The following CDH5 variants were observed in gnomAD, a reference collection of about 807,000 sequenced individuals.
CDH5 encodes the protein cadherin 5.
In CDH5, 28 loss-of-function variants were observed where a neutral mutation model predicts 62.0. That is an observed-to-expected ratio of 0.45 (90% CI 0.33 to 0.62). The LOEUF is 0.62. CDH5 is among the 20% of genes least tolerant of loss of function. The pLI is 0.02. For synonymous variants in CDH5, 464 were observed against 445.8 expected, an observed-to-expected ratio of 1.04 and a Z score of -0.52; for missense variants, 940 against 1,065.1, an observed-to-expected ratio of 0.88 and a Z score of 1.63.
chr16:66,394,601 C>A (rs1007334911), intron 7 of CDH5, among the ~76,000 whole-genome samples: 36 of 150,546 alleles, frequency 2.4e-4, no homozygotes, highest in African/African-American at 8.6e-4. Context: ...TGAGGTGCAT[C>A]CATTTTTATT....
In CDH5 at chr16:66,386,795, C is replaced by A. The variant is rs1358196107; in HGVS notation, c.211-14C>A. On this transcript the variant is annotated splice_polypyrimidine_tract_variant and intron_variant, in intron 2 of 11. Coordinates refer to ENST00000341529, the MANE Select transcript of CDH5 (RefSeq NM_001795.5). ...GCCGCCCATTCCCAGCTCACGTCAC[C>A]TCTTCTTTTCTAGATCAAGTCAAGC... The A allele has an allele frequency of 6.3e-7, 1 of 1,587,342 alleles. No individual in the cohort carries two copies. The highest frequency in any genetic ancestry group is 1.3e-5 in the African/African-American group (1 of 74,466).
In CDH5 at chr16:66,398,056, T is replaced by C; in HGVS notation, c.1435T>C (p.Phe479Leu). ...VLDENDNAPE[F>L]AKPYQPKVCE... ...GGATGAGAATGACAATGCCCCGGAG[T>C]TTGCCAAGCCCTACCAGCCCAAAGT... is the stretch of plus-strand genomic sequence containing the variant. Residue 479 changes from phenylalanine to leucine, a missense_variant, in exon 9 of 12, where the codon TTT becomes CTT. Phe to Leu is a conservative substitution (Grantham distance 22). Transcript: ENST00000341529. 2 of 1,614,040 alleles carry C rather than the reference T, an allele frequency of 1.2e-6. No individual in the cohort carries two copies. The highest frequency in any genetic ancestry group is 1.7e-6 in the Non-Finnish European group (2 of 1,180,020).
chr16:66,389,445 T>G lies in CDH5; in HGVS notation c.704T>G (p.Leu235Arg). The change falls in exon 5 of 12, where the codon CTC becomes CGC. Residue 235 changes from leucine (L) to arginine (R), a missense_variant. By Grantham distance (102) the Leu-to-Arg change is moderately radical (BLOSUM62 -2). Coordinates refer to ENST00000341529, the MANE Select transcript of CDH5 (RefSeq NM_001795.5). ...IVVEARDAQG[L>R]RGDSGTATVL... is the part of the protein sequence containing the mutation. ...GTGGAAGCGCGAGATGCCCAGGGCC[T>G]CCGGGGGGACTCGGGCACGGCCACC... 3.7e-6 allele frequency: 6 copies of G among 1,613,216 alleles called. No homozygotes were observed. The highest frequency in any genetic ancestry group is 1.1e-5 in the South Asian group (1 of 90,958).
intron 11 of CDH5, among the ~76,000 whole-genome samples, chr16:66,401,773 C>T (rs932010717): frequency 2.6e-5 from 4 of 152,144 alleles, no homozygotes; most frequent in African/African-American, 4.8e-5. Flanking sequence ...ATCATCCCAC[C>T]GGGGGAGCAC....
chr16:66,373,502 G>A (rs906145210), intron 1 of CDH5, among the ~76,000 whole-genome samples: 71 of 149,170 alleles, frequency 4.8e-4, no homozygotes, highest in African/African-American at 1.7e-3. Context: ...TGCAACCCCC[G>A]CCTCCCAGGT....
At chr16:66,385,946 C>A (rs969801858) in intron 2 of CDH5, among the ~76,000 whole-genome samples, 1 of 152,220 alleles carries the variant, frequency 6.6e-6, no homozygotes, top group Non-Finnish European at 1.5e-5. Context: ...CTGGCTAGGA[C>A]CCCATCTTTG....
chr16:66,401,700 C>T (rs1294556461), intron 11 of CDH5, among the ~76,000 whole-genome samples: 2 of 152,174 alleles, frequency 1.3e-5, no homozygotes, highest in Non-Finnish European at 2.9e-5. Context: ...ATGTTCCCAT[C>T]GTGAGGAACT....
intron 8 of CDH5, among the ~76,000 whole-genome samples, chr16:66,396,641 G>A (rs757254001): frequency 2.3e-4 from 35 of 152,150 alleles, no homozygotes; most frequent in Non-Finnish European, 3.8e-4. Context: ...TCCTTCAGAG[G>A]GTGTTTATGC....
At chr16:66,368,064 C>A (rs1394775850) in intron 1 of CDH5, among the ~76,000 whole-genome samples, 1 of 152,178 alleles carries the variant, frequency 6.6e-6, no homozygotes, top group Non-Finnish European at 1.5e-5. Flanking sequence ...ATCGCGAGCA[C>A]CTCTGGGCCT....
At position 66,396,088 on chromosome 16, in the gene CDH5, G is replaced by T; in HGVS notation, c.1247G>T (p.Gly416Val). The stretch of plus-strand genomic sequence containing the variant: ...TCCATCCGCAGGACCAGTGACAAGG[G>T]CCAGTTCTTCCGAGTCACAAAAAAG... ...GYSIRRTSDK[G>V]QFFRVTKKGD... Residue 416 changes from glycine (G) to valine (V), a missense_variant, in exon 8 of 12, where the codon GGC becomes GTC. Transcript: ENST00000341529. 1 of 1,614,012 alleles carries T rather than the reference G, an allele frequency of 6.2e-7. No individual in the cohort carries two copies. The highest frequency in any genetic ancestry group is 8.5e-7 in the Non-Finnish European group (1 of 1,180,014).
intron 1 of CDH5, among the ~76,000 whole-genome samples, chr16:66,368,486 G>A (rs781028109): frequency 1.3e-5 from 2 of 152,238 alleles, no homozygotes; most frequent in Admixed American, 1.3e-4. Context: ...CAGGAAGCCA[G>A]CAGGGGCCAC....
intron 1 of CDH5, among the ~76,000 whole-genome samples, chr16:66,367,011 A>G (rs1960599396): frequency 2.6e-5 from 4 of 152,206 alleles, no homozygotes; most frequent in Admixed American, 2.6e-4. Context: ...GCTCTCCCAG[A>G]AGTGTATTCT....
At chr16:66,375,859 G>A (rs1960776424) in intron 1 of CDH5, among the ~76,000 whole-genome samples, 1 of 151,400 alleles carries the variant, frequency 6.6e-6, no homozygotes, top group Admixed American at 6.6e-5. Context: ...TGCAATCCCA[G>A]CACTTTGGGA....
intron 2 of CDH5, among the ~76,000 whole-genome samples, chr16:66,382,928 T>C (rs1342821651): frequency 6.6e-6 from 1 of 152,218 alleles, no homozygotes. Context: ...TATGGGTTTT[T>C]GGCATTAAGA....
At chr16:66,395,483 G>T (rs1961163098) in intron 7 of CDH5, 1 of 129,308 alleles carries the variant, frequency 7.7e-6, no homozygotes, top group African/African-American at 2.9e-5. Flanking sequence ...CCTTTCTTCA[G>T]ATCAGGAAAC....
rs752532554 is a variant in CDH5 at position 66,403,070 on chromosome 16, C to T, written c.2256C>T (p.Asp752=). The change falls in exon 12 of 12, where the codon GAC becomes GAT. Residue 752 remains aspartate (D), a synonymous_variant. Transcript: ENST00000341529. This position sits in a 1 kb window ranked among gnomAD's most constrained non-coding sequence, Gnocchi z 4.3. ...GCTCCCTGGGCACCGACTCATCCGA[C>T]TCTGACGTGGATTACGACTTCCTTA... is the stretch of plus-strand genomic sequence containing the variant. ...SLSSLGTDSS[D]SDVDYDFLND... The T allele has an allele frequency of 2.5e-6, 4 of 1,613,800 alleles. No homozygotes were observed.
At chr16:66,388,794 T>C (rs558392364) in intron 4 of CDH5, among the ~76,000 whole-genome samples, 1 of 152,272 alleles carries the variant, frequency 6.6e-6, no homozygotes, top group East Asian at 1.9e-4. Flanking sequence ...TCTAGAGACC[T>C]TGGACAAATC....
At chr16:66,393,066 G>C (rs1025571209) in intron 7 of CDH5, 5 of 152,182 alleles carry the variant, frequency 3.3e-5, no homozygotes, top group African/African-American at 1.2e-4. Context: ...AAATGATATA[G>C]TTCCAACAGA....
At position 66,396,219 on chromosome 16, in the gene CDH5, C is replaced by G; in HGVS notation, c.1360+18C>G. Reference sequence around the variant, plus strand: ...TTCCACTGGTGAGTGGCCACATCTGCCAGGGCACCTGGATTCTTTTCCTTT... The same window carrying G: ...TTCCACTGGTGAGTGGCCACATCTGGCAGGGCACCTGGATTCTTTTCCTTT... On this transcript the variant is annotated intron_variant, in intron 8 of 11. Transcript: ENST00000341529. The G allele has an allele frequency of 4.3e-6, 7 of 1,613,488 alleles. No individual in the cohort carries two copies. Among genetic ancestry groups the G allele is most frequent in the Non-Finnish European group, 5.1e-6 (6 of 1,179,744 alleles).
Sources: gnomAD v4.1 joint callset for allele counts (sites outside exome capture counted in the v4.1 genomes callset) on GRCh38, gnomAD v4.1.1 for gene constraint, Gnocchi (gnomAD v3.1) non-coding constraint, MANE v1.5 for transcripts, NCBI Gene and HGNC (gene_info 2026-07-23, HGNC 2026-07-21) for gene names.